Variants in OTOG observed in about 807,000 individuals in gnomAD.
OTOG encodes the protein otogelin.
Under a neutral mutation model 313.8 loss-of-function variants are expected in OTOG, and 296 were observed. The ratio of observed to expected loss-of-function variants is 0.94; its 90% CI spans 0.86 to 1.04. The LOEUF (loss-of-function observed/expected upper bound fraction) is 1.04. Among genes scored for constraint, OTOG ranks in the 50% least tolerant of loss-of-function variants. The probability of loss-of-function intolerance (pLI) is 0.00; values close to 1 mark genes in which losing one functional copy is unlikely to be tolerated. For missense variants in OTOG, 3,948 were observed against 3,840.1 expected (o/e 1.03, Z -0.74); for synonymous variants, 1,533 against 1,554.9 (o/e 0.99, Z 0.33).
chr11:17,572,177 G>T lies in OTOG; in HGVS notation c.2053G>T (p.Asp685Tyr). 6.4e-7 allele frequency: 1 copy of T among 1,550,440 alleles called. No individual in the cohort carries two copies. The highest frequency in any genetic ancestry group is 8.7e-7 in the Non-Finnish European group (1 of 1,146,908). The change falls in exon 18 of 56, where the codon GAC becomes TAC. Residue 685 changes from aspartate to tyrosine, a missense_variant. Coordinates refer to ENST00000399397, the MANE Select transcript of OTOG (RefSeq NM_001292063.2). Reference sequence around the variant, plus strand: ...CCCGCTGGTCTCTGGCTCCCCTCTGGACCCCTGCGATGTGCACCTGCAAGC... The same window carrying T: ...CCCGCTGGTCTCTGGCTCCCCTCTGTACCCCTGCGATGTGCACCTGCAAGC... Reference protein sequence around the residue: ...CSPLVSGSPLDPCDVHLQAAS... With the variant: ...CSPLVSGSPLYPCDVHLQAAS...
intron 23 of OTOG, among the ~76,000 whole-genome samples, chr11:17,581,230 G>A (rs1852658466): frequency 6.6e-6 from 1 of 152,178 alleles, no homozygotes; most frequent in Non-Finnish European, 1.5e-5. Context: ...TTGCAAGTCT[G>A]TGCAAGGAGG....
intron 32 of OTOG, among the ~76,000 whole-genome samples, chr11:17,604,299 C>G (rs1487044269): frequency 2.0e-5 from 3 of 152,234 alleles, no homozygotes; most frequent in Non-Finnish European, 4.4e-5. Flanking sequence ...AGTGGAGAAG[C>G]CTTGATCCGG....
intron 4 of OTOG, 22 bp downstream of exon 4, chr11:17,552,097 G>A (rs1429791350): frequency 1.3e-6 from 2 of 1,549,234 alleles, no homozygotes. Flanking sequence ...CTTCACTGTG[G>A]TCCATGGGTT....
chr11:17,557,400 G>A, intron 8 of OTOG, 77 bp downstream of exon 8: 1 of 1,396,766 alleles, frequency 7.2e-7, no homozygotes, highest in African/African-American at 1.4e-5. Context: ...GGTTGGAGGG[G>A]ACTTGGAACA....
At position 17,611,072 on chromosome 11, in the gene OTOG, T is replaced by C. The variant is rs562529828; in HGVS notation, c.5772T>C (p.Tyr1924=). The change falls in exon 36 of 56, where the codon TAT becomes TAC. Residue 1924 remains tyrosine, a synonymous_variant. Coordinates refer to ENST00000399397, the MANE Select transcript of OTOG (RefSeq NM_001292063.2). The stretch of plus-strand genomic sequence containing the variant: ...AAGTGTCTCTGCCCACTTCCATGTA[T>C]GGTTCTGCAGAGGGTGGGCCCACAG... The part of the protein sequence containing the change: ...SKQVSLPTSM[Y]GSAEGGPTEL... 2.6e-6 allele frequency: 4 copies of C among 1,550,598 alleles called. No individual in the cohort carries two copies. The Admixed American group carries it at 5.9e-5, about 23-fold the overall frequency.
chr11:17,640,853 C>CA (rs1565131067), intron 50 of OTOG, 33 bp downstream of exon 50: 2 of 1,549,926 alleles, frequency 1.3e-6, no homozygotes, highest in Non-Finnish European at 8.7e-7. Context: ...CAGAGCCATG[C>CA]AGGAGGGGCA....
At chr11:17,555,947 G>A (rs1319708356) in intron 7 of OTOG, 50 bp downstream of exon 7, 12 of 1,401,780 alleles carry the variant, frequency 8.6e-6, no homozygotes, top group East Asian at 2.5e-5. Flanking sequence ...GACACTGGTG[G>A]TGGTGGATGG....
At chr11:17,611,472 C>G in intron 36 of OTOG, 49 bp downstream of exon 36, 1 of 1,433,588 alleles carries the variant, frequency 7.0e-7, no homozygotes, top group Non-Finnish European at 9.3e-7. Flanking sequence ...CCCTTCCCTT[C>G]ATCCCTTCCT....
rs1853485484 is a variant in OTOG, at chr11:17,609,986, C to G, written c.4686C>G (p.Pro1562=). ...TGACTGCCAGCCTCCTGGCCATCCCCCATACACCAGAGTCCTCATCCCTCC... is the reference window on the plus strand; with the variant it reads ...TGACTGCCAGCCTCCTGGCCATCCCGCATACACCAGAGTCCTCATCCCTCC... ...KGVTASLLAI[P]HTPESSSLPV... Residue 1562 remains proline (P), a synonymous_variant, in exon 36 of 56, where the codon CCC becomes CCG. Transcript: ENST00000399397. The G allele has an allele frequency of 6.5e-7, 1 of 1,543,862 alleles. No individual in the cohort carries two copies. Among genetic ancestry groups the G allele is most frequent in the Non-Finnish European group, 8.8e-7 (1 of 1,142,798 alleles).
At chr11:17,637,354 T>G (rs1309565580) in intron 47 of OTOG, among the ~76,000 whole-genome samples, 1 of 152,180 alleles carries the variant, frequency 6.6e-6, no homozygotes, top group Middle Eastern at 3.2e-3. Context: ...TCCTGGACCA[T>G]GCATTATAAT....
chr11:17,578,523 A>G lies in OTOG; in HGVS notation c.2756A>G (p.Gln919Arg), dbSNP rs1852591991. 2.6e-6 allele frequency: 4 copies of G among 1,533,466 alleles called. No individual in the cohort carries two copies. Among genetic ancestry groups the G allele is most frequent in the Non-Finnish European group, 3.5e-6 (4 of 1,144,792 alleles). The allele number at this position is 1,533,466 out of a possible 1,614,324, so 95.0% of individuals were successfully genotyped here. ...GPCLSGCACP[Q>R]GLLRHGDACF... ...TGCCTCTCGGGCTGCGCCTGTCCCC[A>G]GGGGTAAGTACCCATGGTGTCGTGG... Residue 919 changes from glutamine to arginine, a missense_variant, in exon 23 of 56, where the codon CAG becomes CGG. Coordinates refer to ENST00000399397, the MANE Select transcript of OTOG (RefSeq NM_001292063.2).
intron 36 of OTOG, 147 bp downstream of exon 36, chr11:17,611,570 C>A: frequency 1.1e-6 from 1 of 918,208 alleles, no homozygotes; most frequent in Non-Finnish European, 1.6e-6. Context: ...TCCTATTGGC[C>A]CCTGATGCCA....
intron 2 of OTOG, 56 bp from the exon 3 acceptor site, chr11:17,548,096 G>C (rs774768715): frequency 1.3e-6 from 2 of 1,509,824 alleles, no homozygotes; most frequent in East Asian, 2.5e-5. Flanking sequence ...AGGGGACTGC[G>C]GGGAGGCATA....
At position 17,594,047 on chromosome 11, in the gene OTOG, G is replaced by A. The variant is rs1215206522; in HGVS notation, c.3289G>A (p.Gly1097Ser). 1.3e-6 allele frequency: 2 copies of A among 1,550,486 alleles called. No homozygotes were observed. Among genetic ancestry groups the A allele is most frequent in the East Asian group, 2.4e-5 (1 of 40,900 alleles). ...ACCATGGTGTCCTCTCTCCTTTCAG[G>A]GCCAGCTGGCGGGCCTCTGTGGGAA... ...VHVQAGPQWQ[G>S]QLAGLCGNFD... The change falls in exon 28 of 56, where the codon GGC (glycine) becomes AGC (serine). Residue 1097 changes from glycine to serine, a missense_variant and splice_region_variant. Coordinates refer to ENST00000399397, the MANE Select transcript of OTOG (RefSeq NM_001292063.2).
intron 4 of OTOG, among the ~76,000 whole-genome samples, chr11:17,552,872 G>T (rs1258834450): frequency 6.6e-6 from 1 of 152,364 alleles, no homozygotes; most frequent in South Asian, 2.1e-4. Flanking sequence ...GAAGGCCCAG[G>T]TGGGGCTGGC....
chr11:17,586,005 CCT>C (rs1445732767), intron 23 of OTOG, among the ~76,000 whole-genome samples: 3 of 152,142 alleles, frequency 2.0e-5, no homozygotes, highest in African/African-American at 7.2e-5. Context: ...TAATAAGTGC[CCT>C]GAGACATCCT....
In OTOG at chr11:17,610,590, G is replaced by C; in HGVS notation, c.5290G>C (p.Ala1764Pro). ...QHTTMATRSP[A>P]LPPETPAAAS... The stretch of plus-strand genomic sequence containing the variant: ...TACCACCATGGCCACCAGGTCTCCA[G>C]CTCTGCCCCCAGAGACCCCAGCTGC... Residue 1764 changes from alanine (A) to proline (P), a missense_variant, in exon 36 of 56, where the codon GCT becomes CCT. Transcript: ENST00000399397. 2 of 1,550,522 alleles carry C rather than the reference G, an allele frequency of 1.3e-6. No individual in the cohort carries two copies. Among genetic ancestry groups the C allele is most frequent in the Non-Finnish European group, 1.7e-6 (2 of 1,146,938 alleles).
intron 38 of OTOG, among the ~76,000 whole-genome samples, chr11:17,613,236 T>TTTCTTTCTTTC: frequency 7.1e-6 from 1 of 141,568 alleles, no homozygotes; most frequent in Non-Finnish European, 1.5e-5. Flanking sequence ...TCTTTCTTTC[T>TTTCTTTCTTTC]TTCTTTCTTT....
chr11:17,608,528 A>G, intron 34 of OTOG, 115 bp downstream of exon 34: 1 of 679,248 alleles, frequency 1.5e-6, no homozygotes, highest in Non-Finnish European at 2.3e-6. Context: ...GGATGTGTGT[A>G]CCACGGTAAC....
Sources: gnomAD v4.1 joint callset for allele counts (sites outside exome capture counted in the v4.1 genomes callset) on GRCh38, gnomAD v4.1.1 for gene constraint, MANE v1.5 for transcripts, NCBI Gene and HGNC (gene_info 2026-07-23, HGNC 2026-07-21) for gene names.